The following ANK3 variants were observed in gnomAD, a reference collection of about 807,000 sequenced individuals.
The protein encoded by ANK3 is ankyrin 3.
Under a neutral mutation model 370.9 loss-of-function variants are expected in ANK3, and 57 were observed. That is an observed-to-expected ratio of 0.15 (90% CI 0.12 to 0.19). The LOEUF (loss-of-function observed/expected upper bound fraction) is 0.19. Ranked by LOEUF, ANK3 falls within the 10% of genes least tolerant of loss-of-function variation. The pLI is 1.00. For missense variants in ANK3, 4,439 were observed against 5,302.1 expected, an observed-to-expected ratio of 0.84 and a Z score of 5.06; for synonymous variants, 1,929 against 1,946.3, an observed-to-expected ratio of 0.99 and a Z score of 0.23.
chr10:60,389,632 A>G lies in ANK3; in HGVS notation c.-94T>C. ...CTAATCAGGCTTACAGCAGCATTCC[A>G]ATCACTAGAGAGAAAGCTTTGACTA... On this transcript the variant is annotated 5_prime_UTR_variant, in exon 1 of 44. Transcript: ENST00000280772. 2 of 1,545,244 alleles carry G rather than the reference A, an allele frequency of 1.3e-6. No individual in the cohort carries two copies. The highest frequency in any genetic ancestry group is 1.7e-6 in the Non-Finnish European group (2 of 1,151,688).
intron 1 of ANK3, among the ~76,000 whole-genome samples, chr10:60,689,884 A>T (rs1165639028): frequency 6.6e-6 from 1 of 152,232 alleles, no homozygotes; most frequent in African/African-American, 2.4e-5. Context: ...TATGTATAGT[A>T]TAAACACAGT....
intron 2 of ANK3, among the ~76,000 whole-genome samples, chr10:60,520,269 C>T (rs756951468): frequency 3.3e-5 from 5 of 151,992 alleles, no homozygotes; most frequent in Non-Finnish European, 7.4e-5. Context: ...AGAATAGACA[C>T]TGGGGACGAA....
chr10:60,519,660 C>A (rs1255776922), intron 2 of ANK3, among the ~76,000 whole-genome samples: 1 of 152,064 alleles, frequency 6.6e-6, no homozygotes, highest in Non-Finnish European at 1.5e-5. Context: ...TCAAATAAGT[C>A]AACAAATGTA....
chr10:60,227,187 A>G (rs2097177108), intron 8 of ANK3, among the ~76,000 whole-genome samples: 1 of 151,910 alleles, frequency 6.6e-6, no homozygotes, highest in African/African-American at 2.4e-5. Context: ...TACCTTTTTT[A>G]CTAGATATTT....
At chr10:60,487,093 A>C (rs1295130041) in intron 2 of ANK3, among the ~76,000 whole-genome samples, 1 of 152,202 alleles carries the variant, frequency 6.6e-6, no homozygotes, top group Non-Finnish European at 1.5e-5. Flanking sequence ...GAAAAAAGAA[A>C]CTTAAAAAGA....
chr10:60,715,858 G>A (rs561777397), intron 1 of ANK3, among the ~76,000 whole-genome samples: 1 of 10,620 alleles, frequency 9.4e-5, no homozygotes, highest in African/African-American at 4.3e-4. Flanking sequence ...TGAAACTTAA[G>A]GACCATGCTG....
intron 1 of ANK3, among the ~76,000 whole-genome samples, chr10:60,658,940 AG>A (rs2078902203): frequency 6.6e-6 from 1 of 151,756 alleles, no homozygotes; most frequent in Non-Finnish European, 1.5e-5. Context: ...AAAAGAAAAG[AG>A]AAAAAAGAGG....
chr10:60,385,757 G>A (rs575164407), intron 1 of ANK3, among the ~76,000 whole-genome samples: 1 of 152,194 alleles, frequency 6.6e-6, no homozygotes, highest in South Asian at 2.1e-4. Context: ...TCTGTTGAGA[G>A]CAAACTCCAA....
intron 1 of ANK3, among the ~76,000 whole-genome samples, chr10:60,365,213 G>C (rs970306708): frequency 3.3e-5 from 5 of 151,470 alleles, no homozygotes; most frequent in Non-Finnish European, 5.9e-5. Context: ...CTGTTACAGA[G>C]ATATCATTCA....
chr10:60,283,397 G>A (rs1028490174), intron 1 of ANK3, among the ~76,000 whole-genome samples: 3 of 151,962 alleles, frequency 2.0e-5, no homozygotes, highest in Non-Finnish European at 4.4e-5. Flanking sequence ...TATCTAAGAT[G>A]CATCCAAAAA....
At chr10:60,367,356 G>T (rs919291022) in intron 1 of ANK3, among the ~76,000 whole-genome samples, 1 of 152,154 alleles carries the variant, frequency 6.6e-6, no homozygotes, top group African/African-American at 2.4e-5. Context: ...CTAAAAAGAG[G>T]ATTAGAATTT....
In ANK3 at chr10:60,435,830, T is replaced by A. The variant is rs370702477; in HGVS notation, c.97-156191A>T. ...TTAAAGTCTCATCGGCCGGGCGCGGTGGCTCACGCCTGTAATCCCAGCACT... is the reference window on the plus strand; with the variant it reads ...TTAAAGTCTCATCGGCCGGGCGCGGAGGCTCACGCCTGTAATCCCAGCACT... On this transcript the variant is annotated intron_variant, in intron 2 of 43. Coordinates refer to the ANK3 transcript ENST00000373827. Among the ~76,000 whole-genome samples, 45 of 152,336 alleles carry A rather than the reference T, an allele frequency of 3.0e-4. 2 individuals carry two copies. In the East Asian group the frequency reaches 4.8e-3, roughly 16 times the overall value.
chr10:60,128,425 A>C (rs1384817262), intron 25 of ANK3, among the ~76,000 whole-genome samples: 32 of 150,142 alleles, frequency 2.1e-4, no homozygotes. Context: ...TCTTGCCCAG[A>C]CTGGAGTGCA....
At chr10:60,733,157 A>G (rs1589093488) in intron 1 of ANK3, 2 of 955,792 alleles carry the variant, frequency 2.1e-6, no homozygotes, top group Non-Finnish European at 2.7e-6. Context: ...CACCCCCAGG[A>G]GGGCAGGACT....
intron 2 of ANK3, among the ~76,000 whole-genome samples, chr10:60,442,640 A>G (rs2064328955): frequency 6.6e-6 from 1 of 152,352 alleles, no homozygotes; most frequent in South Asian, 2.1e-4. Flanking sequence ...ATTTTAACTC[A>G]GTATTGTATT....
At chr10:60,598,091 T>C (rs1430924801) in intron 2 of ANK3, among the ~76,000 whole-genome samples, 3 of 152,184 alleles carry the variant, frequency 2.0e-5, no homozygotes, top group Non-Finnish European at 4.4e-5. Context: ...GAGAAATCCA[T>C]TTCAACTTAC....
chr10:60,438,489 T>A (rs975390333), intron 2 of ANK3, among the ~76,000 whole-genome samples: 1 of 152,166 alleles, frequency 6.6e-6, no homozygotes, highest in Non-Finnish European at 1.5e-5. Flanking sequence ...CATCCAGTAC[T>A]TTAGTTGTTA....
At chr10:60,616,409 T>C (rs2078268440) in intron 1 of ANK3, among the ~76,000 whole-genome samples, 1 of 152,178 alleles carries the variant, frequency 6.6e-6, no homozygotes, top group African/African-American at 2.4e-5. Flanking sequence ...TGTGTTGTTC[T>C]CTTTCAATAC....
intron 40 of ANK3, among the ~76,000 whole-genome samples, chr10:60,061,206 G>A (rs991106773): frequency 1.3e-5 from 2 of 152,188 alleles, no homozygotes; most frequent in Non-Finnish European, 2.9e-5. Context: ...CTATAAACCA[G>A]ACTCTTGTTG....
Sources: gnomAD v4.1 joint callset for allele counts (sites outside exome capture counted in the v4.1 genomes callset) on GRCh38, gnomAD v4.1.1 for gene constraint, MANE v1.5 for transcripts, NCBI Gene and HGNC (gene_info 2026-07-23, HGNC 2026-07-21) for gene names.